ABTB2: variants seen among roughly 807,000 people sequenced by gnomAD.
ABTB2 encodes ankyrin repeat and BTB/POZ domain-containing protein 2.
Under a neutral mutation model 104.1 loss-of-function variants are expected in ABTB2, and 56 were observed. That is an observed-to-expected ratio of 0.54 (90% CI 0.43 to 0.67). The LOEUF (loss-of-function observed/expected upper bound fraction) is 0.67. Among genes scored for constraint, ABTB2 ranks in the 30% least tolerant of loss-of-function variants. The pLI is 0.00. For synonymous variants in ABTB2, 606 were observed against 608.2 expected (o/e 1.00, Z 0.05); for missense variants, 1,279 against 1,407.7 (o/e 0.91, Z 1.46).
At chr11:34,335,565 T>C (rs1855184541) in intron 1 of ABTB2, 1 of 1,458,278 alleles carries the variant, frequency 6.9e-7, no homozygotes, top group Admixed American at 1.7e-5. Flanking sequence ...TATTGCACAC[T>C]CCACTCTGGC....
chr11:34,286,427 G>A (rs1165187753), intron 1 of ABTB2, among the ~76,000 whole-genome samples: 1 of 151,994 alleles, frequency 6.6e-6, no homozygotes, highest in Admixed American at 6.6e-5. Context: ...TGAGTAGCTG[G>A]GATTACAGGC....
chr11:34,355,115 G>A (rs1855450110), intron 1 of ABTB2, among the ~76,000 whole-genome samples: 1 of 152,214 alleles, frequency 6.6e-6, no homozygotes, highest in South Asian at 2.1e-4. Context: ...CTTTGGCAGT[G>A]CCAGAATTTA....
At chr11:34,262,580 C>G (rs1457862050) in intron 1 of ABTB2, among the ~76,000 whole-genome samples, 1 of 152,146 alleles carries the variant, frequency 6.6e-6, no homozygotes, top group African/African-American at 2.4e-5. Flanking sequence ...TATCGCCAGC[C>G]CACCCCCACA....
chr11:34,254,420 G>A (rs1329213360), intron 1 of ABTB2, among the ~76,000 whole-genome samples: 1 of 151,698 alleles, frequency 6.6e-6, no homozygotes, highest in East Asian at 1.9e-4. Context: ...GCTAATTTTT[G>A]TATTTTCTTT....
At chr11:34,229,459 T>C (rs369816268) in intron 1 of ABTB2, among the ~76,000 whole-genome samples, 53 of 146,486 alleles carry the variant, frequency 3.6e-4, no homozygotes, top group Middle Eastern at 3.5e-3. Flanking sequence ...CCAGCCTGGG[T>C]GACAGAGTGA....
intron 1 of ABTB2, among the ~76,000 whole-genome samples, chr11:34,311,010 G>C (rs1414621674): frequency 6.6e-6 from 1 of 152,240 alleles, no homozygotes; most frequent in African/African-American, 2.4e-5. Context: ...AAACCACAGA[G>C]AGATGCCGTT....
chr11:34,171,175 T>G, intron 4 of ABTB2, 104 bp from the exon 5 acceptor site: 116 of 1,127,814 alleles, frequency 1.0e-4, no homozygotes, highest in East Asian at 1.1e-4. Flanking sequence ...AGGATGAGGA[T>G]GGGTGGGAAG....
intron 3 of ABTB2, among the ~76,000 whole-genome samples, chr11:34,194,371 G>A (rs1590212835): frequency 1.3e-5 from 2 of 152,246 alleles, no homozygotes; most frequent in African/African-American, 4.8e-5. Context: ...AGTCCGCCAT[G>A]CTTCCAGGTG....
chr11:34,336,543 T>C (rs998853045), intron 1 of ABTB2, among the ~76,000 whole-genome samples: 3 of 151,838 alleles, frequency 2.0e-5, no homozygotes, highest in Non-Finnish European at 4.4e-5. Flanking sequence ...TTTGGAAGGA[T>C]CAGGTGGAAA....
chr11:34,221,882 T>A (rs1376074097), intron 1 of ABTB2, among the ~76,000 whole-genome samples: 1 of 152,138 alleles, frequency 6.6e-6, no homozygotes, highest in Non-Finnish European at 1.5e-5. Flanking sequence ...CTATTAAAAA[T>A]ATAAAAATTA....
chr11:34,354,851 T>C (rs578065361), intron 1 of ABTB2, among the ~76,000 whole-genome samples: 1 of 152,236 alleles, frequency 6.6e-6, no homozygotes, highest in Non-Finnish European at 1.5e-5. Context: ...TTTACTTCTT[T>C]GAGTTCAGTT....
chr11:34,346,868 G>A (rs1855338628), intron 1 of ABTB2, among the ~76,000 whole-genome samples: 1 of 152,198 alleles, frequency 6.6e-6, no homozygotes, highest in African/African-American at 2.4e-5. Flanking sequence ...TGGTGTGTGA[G>A]CCTCAGGCTT....
chr11:34,348,114 G>A (rs1427142522), intron 1 of ABTB2, among the ~76,000 whole-genome samples: 1 of 152,118 alleles, frequency 6.6e-6, no homozygotes, highest in Non-Finnish European at 1.5e-5. Context: ...TAGAAGCCTT[G>A]TTCTTCAACC....
chr11:34,305,623 T>C (rs1243323706), intron 1 of ABTB2, among the ~76,000 whole-genome samples: 2 of 152,258 alleles, frequency 1.3e-5, no homozygotes, highest in Non-Finnish European at 2.9e-5. Context: ...ATATATTTCA[T>C]TCATGATGAT....
At chr11:34,214,023 C>CTCTTTGAAAAG (rs1853518517) in intron 1 of ABTB2, among the ~76,000 whole-genome samples, 1 of 152,060 alleles carries the variant, frequency 6.6e-6, no homozygotes, top group Admixed American at 6.6e-5. Context: ...AACAGTCCGC[C>CTCTTTGAAAAG]ACATGACCAC....
intron 5 of ABTB2, among the ~76,000 whole-genome samples, chr11:34,170,681 AG>A (rs1400902887): frequency 6.6e-6 from 1 of 152,244 alleles, no homozygotes; most frequent in African/African-American, 2.4e-5. Flanking sequence ...CTGTCCAGCC[AG>A]GGAAGCGGAA....
chr11:34,328,125 A>G (rs1302002831), intron 1 of ABTB2, among the ~76,000 whole-genome samples: 1 of 152,202 alleles, frequency 6.6e-6, no homozygotes, highest in African/African-American at 2.4e-5. Context: ...TTGGCAGTCA[A>G]AGTCAGACAG....
At chr11:34,174,794 AG>A (rs145327210) in intron 3 of ABTB2, among the ~76,000 whole-genome samples, 4,951 of 152,370 alleles carry the variant, frequency 0.032, 252 homozygotes, top group African/African-American at 0.11. Context: ...GCTCCATCAC[AG>A]GAACAAGGCA....
chr11:34,344,952 A>G (rs1396176159), intron 1 of ABTB2, among the ~76,000 whole-genome samples: 1 of 152,138 alleles, frequency 6.6e-6, no homozygotes, highest in African/African-American at 2.4e-5. Flanking sequence ...ACTTGGTGTC[A>G]TCCTTGATTC....
Sources: gnomAD v4.1 joint callset for allele counts (sites outside exome capture counted in the v4.1 genomes callset) on GRCh38, gnomAD v4.1.1 for gene constraint, MANE v1.5 for transcripts, NCBI Gene and HGNC (gene_info 2026-07-23, HGNC 2026-07-21) for gene names.